Variants in DDAH1 observed in about 807,000 individuals in gnomAD.
DDAH1 encodes dimethylarginine dimethylaminohydrolase 1.
A neutral mutation model predicts 28.8 loss-of-function variants in DDAH1; 19 were observed. The observed-to-expected ratio is 0.66, with a 90% CI of 0.46 to 0.97. The LOEUF (loss-of-function observed/expected upper bound fraction) is 0.97. DDAH1 is among the 50% of genes least tolerant of loss of function. The pLI, the probability that DDAH1 is intolerant of heterozygous loss-of-function variation, is 0.00. For synonymous variants in DDAH1, 153 were observed against 154.4 expected, an observed-to-expected ratio of 0.99 and a Z score of 0.07; for missense variants, 326 against 375.9, an observed-to-expected ratio of 0.87 and a Z score of 1.10.
intron 5 of DDAH1, among the ~76,000 whole-genome samples, chr1:85,321,922 T>C (rs1557451791): frequency 6.6e-6 from 1 of 152,154 alleles, no homozygotes. Flanking sequence ...TATTTATTTA[T>C]ATATTTTTGG....
At chr1:85,574,341 G>A (rs574381266) in intron 1 of DDAH1, among the ~76,000 whole-genome samples, 162 of 152,336 alleles carry the variant, frequency 1.1e-3, no homozygotes, top group African/African-American at 3.8e-3. Context: ...AGCTCACATG[G>A]CTCACTCTGC....
intron 1 of DDAH1, among the ~76,000 whole-genome samples, chr1:85,380,126 T>C (rs1191131533): frequency 6.6e-6 from 1 of 152,234 alleles, no homozygotes; most frequent in African/African-American, 2.4e-5. Flanking sequence ...TGAAGCCTTA[T>C]ACAATTTTGT....
In DDAH1 at chr1:85,435,857, CT is replaced by C. The variant is rs199628450; in HGVS notation, c.303+28885del. Among the ~76,000 whole-genome samples the C allele has an allele frequency of 7.0e-4, 106 of 152,296 alleles. 1 individual carries two copies. Among genetic ancestry groups the C allele is most frequent in the Middle Eastern group, 6.8e-3 (2 of 294 alleles). On this transcript the variant is annotated intron_variant, in intron 1 of 5. Transcript: ENST00000284031. ...CCAGGTTGGAATACAGTGGCACAAT[CT>C]CATCTCACTGCAACCTCTGCCTCCT...
At chr1:85,379,711 T>G (rs1336564447) in intron 1 of DDAH1, 30 of 985,180 alleles carry the variant, frequency 3.0e-5, no homozygotes, top group Non-Finnish European at 3.5e-5. Flanking sequence ...GAACTGAACT[T>G]ATCTATTTCC....
At chr1:85,385,273 T>C (rs1321818858) in intron 1 of DDAH1, among the ~76,000 whole-genome samples, 2 of 152,138 alleles carry the variant, frequency 1.3e-5, no homozygotes, top group African/African-American at 4.8e-5. Context: ...CTTTTCTAAC[T>C]TGAATCAAAA....
intron 1 of DDAH1, among the ~76,000 whole-genome samples, chr1:85,389,403 G>A (rs1651432439): frequency 6.6e-6 from 1 of 152,178 alleles, no homozygotes; most frequent in South Asian, 2.1e-4. Context: ...ATTTTAGTCT[G>A]GGAGTCTAGA....
chr1:85,345,240 C>T (rs1332472682), intron 4 of DDAH1, among the ~76,000 whole-genome samples: 2 of 151,836 alleles, frequency 1.3e-5, no homozygotes, highest in Non-Finnish European at 2.9e-5. Context: ...TTTGGAGTAA[C>T]TGGAGTACTC....
intron 4 of DDAH1, among the ~76,000 whole-genome samples, chr1:85,338,662 G>T (rs927675197): frequency 2.0e-5 from 3 of 152,136 alleles, no homozygotes; most frequent in Non-Finnish European, 2.9e-5. Flanking sequence ...TGAACCCCAG[G>T]AATGGGATGT....
chr1:85,569,763 C>G (rs1659399360), intron 1 of DDAH1, among the ~76,000 whole-genome samples: 1 of 152,178 alleles, frequency 6.6e-6, no homozygotes, highest in South Asian at 2.1e-4. Context: ...AATGAAAGTG[C>G]AGGAAGCCCA....
chr1:85,574,278 C>T (rs554748738), intron 1 of DDAH1, among the ~76,000 whole-genome samples: 67 of 152,308 alleles, frequency 4.4e-4, no homozygotes, highest in Non-Finnish European at 8.4e-4. Flanking sequence ...GAGTGTGTGT[C>T]CTCTGAGCTA....
intron 5 of DDAH1, among the ~76,000 whole-genome samples, chr1:85,323,907 T>C (rs1227868463): frequency 2.1e-5 from 3 of 146,216 alleles, no homozygotes; most frequent in African/African-American, 7.7e-5. Flanking sequence ...AATTTGAGGC[T>C]GCAGTGAGAC....
At chr1:85,369,213 C>A (rs1650245971) in intron 1 of DDAH1, among the ~76,000 whole-genome samples, 1 of 150,074 alleles carries the variant, frequency 6.7e-6, no homozygotes, top group Non-Finnish European at 1.5e-5. Flanking sequence ...GGTGTGTGCC[C>A]AATGGCCAAT....
chr1:85,346,620 C>T (rs1194687388), intron 4 of DDAH1, among the ~76,000 whole-genome samples: 2 of 152,110 alleles, frequency 1.3e-5, no homozygotes, highest in Non-Finnish European at 2.9e-5. Flanking sequence ...GTATTTTGAA[C>T]TGTAAAATGG....
chr1:85,518,338 G>A (rs1657546664), intron 1 of DDAH1, among the ~76,000 whole-genome samples: 2 of 152,150 alleles, frequency 1.3e-5, no homozygotes, highest in Non-Finnish European at 1.5e-5. Flanking sequence ...AAATCAGTGG[G>A]TGGGCAGGGT....
chr1:85,516,046 T>TC (rs1286876157), intron 1 of DDAH1, among the ~76,000 whole-genome samples: 1 of 151,930 alleles, frequency 6.6e-6, no homozygotes, highest in African/African-American at 2.4e-5. Flanking sequence ...TGTGTCCTAA[T>TC]CCACTTTTTT....
chr1:85,406,287 A>C (rs533612617), intron 1 of DDAH1, among the ~76,000 whole-genome samples: 12 of 152,338 alleles, frequency 7.9e-5, no homozygotes, highest in Non-Finnish European at 1.3e-4. Context: ...ACTAAGAAAC[A>C]CAGAAGAGAA....
intron 1 of DDAH1, among the ~76,000 whole-genome samples, chr1:85,559,589 G>A (rs1391646778): frequency 2.6e-5 from 4 of 152,092 alleles, no homozygotes; most frequent in African/African-American, 4.8e-5. Context: ...TTATAGCTAT[G>A]TACTAGTATT....
intron 4 of DDAH1, among the ~76,000 whole-genome samples, chr1:85,326,007 G>C (rs1013162663): frequency 6.6e-6 from 1 of 152,212 alleles, no homozygotes; most frequent in Non-Finnish European, 1.5e-5. Context: ...GTATGGAAAT[G>C]TGCTTCATAT....
At chr1:85,502,912 T>G (rs509112) in intron 1 of DDAH1, among the ~76,000 whole-genome samples, 9,265 of 152,270 alleles carry the variant, frequency 0.061, 388 homozygotes, top group South Asian at 0.11. Context: ...CTTTGTCTCC[T>G]GGAGTCAGAT....
Sources: allele counts gnomAD v4.1 joint callset (sites outside exome capture counted in the v4.1 genomes callset), GRCh38; gene constraint gnomAD v4.1.1; transcripts MANE v1.5; gene names NCBI Gene and HGNC (gene_info 2026-07-23, HGNC 2026-07-21).